Variants in WTIP observed in about 807,000 individuals in gnomAD.
The protein encoded by WTIP is WT1 interacting protein.
Under a neutral mutation model 41.7 loss-of-function variants are expected in WTIP, and 23 were observed. The ratio of observed to expected loss-of-function variants is 0.55; its 90% CI spans 0.40 to 0.78. The LOEUF (loss-of-function observed/expected upper bound fraction) is 0.78, where lower values mean the gene tolerates loss of function less well. Ranked by LOEUF, WTIP falls within the 30% of genes least tolerant of loss-of-function variation. WTIP has a pLI of 0.00. For synonymous variants in WTIP, 314 were observed against 269.9 expected, an observed-to-expected ratio of 1.16 and a Z score of -1.60; for missense variants, 619 against 610.5, an observed-to-expected ratio of 1.01 and a Z score of -0.15.
At chr19:34,495,315 T>G (rs998538660) in intron 6 of WTIP, among the ~76,000 whole-genome samples, 2 of 152,126 alleles carry the variant, frequency 1.3e-5, no homozygotes, top group Non-Finnish European at 2.9e-5. Flanking sequence ...GAGGATTGCT[T>G]GAGCCCAGGA....
intron 7 of WTIP, 35 bp from the exon 8 acceptor site, chr19:34,500,094 C>T (rs1374435781): frequency 1.3e-6 from 2 of 1,594,112 alleles, no homozygotes; most frequent in Non-Finnish European, 1.7e-6. Flanking sequence ...CGCTTGTCTG[C>T]TGACTCTGGG....
rs1398225368 is a variant in WTIP, at chr19:34,507,125, G to A, written c.*6856G>A. 1 of 151,626 alleles carries A rather than the reference G, an allele frequency of 6.6e-6. No individual in the cohort carries two copies. The highest frequency in any genetic ancestry group is 1.9e-4 in the East Asian group (1 of 5,152). The allele number at this position is 151,626 out of a possible 1,614,324, so 9.4% of individuals were successfully genotyped here. A position where few individuals can be genotyped will look rare whatever the true frequency, so the allele number is the denominator to read the frequency against. ...TGTAATCCCAGCTACTCGGGAGGCT[G>A]AGGCAGAAGAAGCGCTTGAACCCGG... On this transcript the variant is annotated 3_prime_UTR_variant, in exon 8 of 8. Transcript: ENST00000590071.
chr19:34,500,408 G>A lies in WTIP; in HGVS notation c.*139G>A. 8.3e-7 allele frequency: 1 copy of A among 1,204,646 alleles called. No homozygotes were observed. 74.6% of individuals were successfully genotyped at this position (1,204,646 alleles called of 1,614,324 possible). ...TGCTGTCTGCAGGGGCCGGACCCCCGCGTGGAAGCTTCTATTTATTCACCG... is the reference window on the plus strand; with the variant it reads ...TGCTGTCTGCAGGGGCCGGACCCCCACGTGGAAGCTTCTATTTATTCACCG... On this transcript the variant is annotated 3_prime_UTR_variant, in exon 8 of 8. Coordinates refer to ENST00000590071, the MANE Select transcript of WTIP (RefSeq NM_001080436.2).
chr19:34,490,709 G>C (rs771378596), intron 2 of WTIP, among the ~76,000 whole-genome samples: 2 of 152,218 alleles, frequency 1.3e-5, no homozygotes, highest in African/African-American at 4.8e-5. Flanking sequence ...TCTGTGCCAC[G>C]CAGGGCACTA....
At chr19:34,490,611 CTCTG>C (rs2075820812) in intron 2 of WTIP, 134 bp downstream of exon 2, 3 of 952,454 alleles carry the variant, frequency 3.1e-6, no homozygotes, top group Non-Finnish European at 4.8e-6. Context: ...CTGTGGAGGA[CTCTG>C]TCTGGGGAGG....
At chr19:34,490,732 C>T (rs537032075) in intron 2 of WTIP, among the ~76,000 whole-genome samples, 73 of 152,360 alleles carry the variant, frequency 4.8e-4, no homozygotes, top group South Asian at 3.1e-3. Flanking sequence ...GCGCTCATGT[C>T]ACCCAGCTGC....
chr19:34,497,813 C>T (rs1568402185), intron 7 of WTIP, among the ~76,000 whole-genome samples: 2 of 152,152 alleles, frequency 1.3e-5, no homozygotes, highest in Non-Finnish European at 2.9e-5. Flanking sequence ...GCAGAGGGGC[C>T]AGGGCTCCCC....
rs1467297390 is a variant in WTIP, at chr19:34,505,497, G to A, written c.*5228G>A. ...CCCTGGGCCCCCTGGCGCTTTGTAG[G>A]GAGGTGCTCAGCAGTGATGGTTGTG... On this transcript the variant is annotated 3_prime_UTR_variant, in exon 8 of 8. Coordinates refer to ENST00000590071, the MANE Select transcript of WTIP (RefSeq NM_001080436.2). 6.6e-6 allele frequency: 1 copy of A among 152,382 alleles called. No individual in the cohort carries two copies. Among genetic ancestry groups the A allele is most frequent in the African/African-American group, 2.4e-5 (1 of 41,444 alleles). The allele number at this position is 152,382 out of a possible 1,614,324, so 9.4% of individuals were successfully genotyped here.
At chr19:34,491,373 G>A (rs2075824359) in intron 2 of WTIP, among the ~76,000 whole-genome samples, 1 of 151,916 alleles carries the variant, frequency 6.6e-6, no homozygotes, top group Non-Finnish European at 1.5e-5. Context: ...TGCCAGACTG[G>A]AGTGTAGTGG....
intron 7 of WTIP, among the ~76,000 whole-genome samples, chr19:34,498,235 C>A (rs928755336): frequency 6.6e-6 from 1 of 152,136 alleles, no homozygotes; most frequent in African/African-American, 2.4e-5. Flanking sequence ...GTAAAAACTG[C>A]GAGATAGGGT....
intron 5 of WTIP, 29 bp from the exon 6 acceptor site, chr19:34,494,557 A>C (rs762677056): frequency 6.2e-7 from 1 of 1,611,544 alleles, no homozygotes; most frequent in Non-Finnish European, 8.5e-7. Context: ...CACTCAGCTG[A>C]TCACTTCTGG....
chr19:34,506,602 C>T lies in WTIP; in HGVS notation c.*6333C>T, dbSNP rs1009601216. 6.6e-6 allele frequency: 1 copy of T among 151,916 alleles called. No individual in the cohort carries two copies. The highest frequency in any genetic ancestry group is 1.5e-5 in the Non-Finnish European group (1 of 68,002). The allele number at this position is 151,916 out of a possible 1,614,324, so 9.4% of individuals were successfully genotyped here. A position where few individuals can be genotyped will look rare whatever the true frequency, so the allele number is the denominator to read the frequency against. ...CGAAACCCCGTCTCTACTAAAATTACAAAAACTAGCCAGGTGTGGTGGTGG... is the reference window on the plus strand; with the variant it reads ...CGAAACCCCGTCTCTACTAAAATTATAAAAACTAGCCAGGTGTGGTGGTGG... On this transcript the variant is annotated 3_prime_UTR_variant, in exon 8 of 8. Coordinates refer to ENST00000590071, the MANE Select transcript of WTIP (RefSeq NM_001080436.2).
At chr19:34,490,155 C>A (rs1209053248) in intron 1 of WTIP, among the ~76,000 whole-genome samples, 1 of 152,120 alleles carries the variant, frequency 6.6e-6, no homozygotes, top group African/African-American at 2.4e-5. Context: ...GCCCTGGGTG[C>A]TCGGCCAAGC....
intron 1 of WTIP, among the ~76,000 whole-genome samples, chr19:34,484,476 C>T (rs969783202): frequency 6.6e-6 from 1 of 152,046 alleles, no homozygotes; most frequent in Non-Finnish European, 1.5e-5. Flanking sequence ...GGGCAGGTCT[C>T]GTGGCGCCTG....
At chr19:34,486,772 C>G (rs1235544724) in intron 1 of WTIP, among the ~76,000 whole-genome samples, 1 of 152,140 alleles carries the variant, frequency 6.6e-6, no homozygotes, top group East Asian at 1.9e-4. Context: ...CAGTTGTAGT[C>G]TGTCTTCACC....
rs760819684 is a variant in WTIP at position 34,507,680 on chromosome 19, G to A, written c.*7411G>A. 6.6e-6 allele frequency: 1 copy of A among 152,254 alleles called. No individual in the cohort carries two copies. Among genetic ancestry groups the A allele is most frequent in the Non-Finnish European group, 1.5e-5 (1 of 68,078 alleles). 9.4% of individuals were successfully genotyped at this position (152,254 alleles called of 1,614,324 possible). A position where few individuals can be genotyped will look rare whatever the true frequency, so the allele number is the denominator to read the frequency against. On this transcript the variant is annotated 3_prime_UTR_variant, in exon 8 of 8. Transcript: ENST00000590071. ...GTCAGTGGATGGGCTTTTGCATAGGGGGATGGGGTAGGGAGTGAGTCATTG... is the reference window on the plus strand; with the variant it reads ...GTCAGTGGATGGGCTTTTGCATAGGAGGATGGGGTAGGGAGTGAGTCATTG...
At position 34,502,997 on chromosome 19, in the gene WTIP, T is replaced by C. The variant is rs1052148329; in HGVS notation, c.*2728T>C. 1.3e-5 allele frequency: 2 copies of C among 152,434 alleles called. No homozygotes were observed. The highest frequency in any genetic ancestry group is 4.8e-5 in the African/African-American group (2 of 41,460). The allele number at this position is 152,434 out of a possible 1,614,324, so 9.4% of individuals were successfully genotyped here. A position where few individuals can be genotyped will look rare whatever the true frequency, so the allele number is the denominator to read the frequency against. ...TCCTCCCCTTCCTTTGCATGTGCCA[T>C]GGTGGGCCCTGTGCTTATATCCATG... On this transcript the variant is annotated 3_prime_UTR_variant, in exon 8 of 8. Transcript: ENST00000590071.
At chr19:34,491,507 G>C (rs1290335516) in intron 2 of WTIP, among the ~76,000 whole-genome samples, 1 of 150,748 alleles carries the variant, frequency 6.6e-6, no homozygotes, top group African/African-American at 2.4e-5. Context: ...TATTTTTTTA[G>C]TGAGATGGGA....
Position 34,494,618 on chromosome 19 carries a change from G to T in WTIP, c.1064G>T (p.Arg355Leu). Residue 355 changes from arginine to leucine, a missense_variant, in exon 6 of 8, where the codon CGT becomes CTT. Physicochemically the swap from Arg to Leu is moderately radical, Grantham distance 102. Transcript: ENST00000590071. ...VFAPKCASCA[R>L]PILPAQGCET... The stretch of plus-strand genomic sequence containing the variant: ...GCACCAAAATGCGCCTCCTGTGCCC[G>T]TCCTATCCTCCCTGCACAGGTAGGA... 2 of 1,613,550 alleles carry T rather than the reference G, an allele frequency of 1.2e-6. No individual in the cohort carries two copies. Among genetic ancestry groups the T allele is most frequent in the Non-Finnish European group, 1.7e-6 (2 of 1,179,764 alleles).
Sources: gnomAD v4.1 joint callset for allele counts (sites outside exome capture counted in the v4.1 genomes callset) on GRCh38, gnomAD v4.1.1 for gene constraint, MANE v1.5 for transcripts, NCBI Gene and HGNC (gene_info 2026-07-23, HGNC 2026-07-21) for gene names.